The following STAG1 variants were observed in gnomAD, a reference collection of about 807,000 sequenced individuals.
The protein encoded by STAG1 is STAG1 cohesin complex component.
A neutral mutation model predicts 170.9 loss-of-function variants in STAG1; 26 were observed. The observed-to-expected ratio is 0.15, with a 90% CI of 0.11 to 0.21. The LOEUF is 0.21. Ranked by LOEUF, STAG1 falls within the 10% of genes least tolerant of loss-of-function variation. The pLI is 1.00. For synonymous variants in STAG1, 514 were observed against 497.7 expected (o/e 1.03, Z -0.44); for missense variants, 964 against 1,509.5 (o/e 0.64, Z 5.99).
chr3:136,650,918 A>G (rs1382464140), intron 1 of STAG1, among the ~76,000 whole-genome samples: 2 of 83,662 alleles, frequency 2.4e-5, no homozygotes, highest in Non-Finnish European at 4.6e-5. Context: ...ATGGTGGTAG[A>G]ATTAAAAAAA....
intron 9 of STAG1, among the ~76,000 whole-genome samples, chr3:136,478,980 C>A (rs1249163959): frequency 6.6e-6 from 1 of 151,564 alleles, no homozygotes; most frequent in Non-Finnish European, 1.5e-5. Context: ...AGAATAAAAT[C>A]ACTTAATACA....
intron 1 of STAG1, among the ~76,000 whole-genome samples, chr3:136,637,145 C>T (rs940707465): frequency 6.6e-6 from 1 of 152,166 alleles, no homozygotes; most frequent in African/African-American, 2.4e-5. Flanking sequence ...TACTTAAATT[C>T]TCTGTAGCAT....
At chr3:136,606,774 G>A (rs145657328) in intron 3 of STAG1, among the ~76,000 whole-genome samples, 54 of 136,308 alleles carry the variant, frequency 4.0e-4, no homozygotes, top group African/African-American at 1.0e-3. Context: ...TTTTGGGGAC[G>A]AAGTTAACTT....
At chr3:136,606,479 C>T (rs550822571) in intron 3 of STAG1, among the ~76,000 whole-genome samples, 1 of 152,274 alleles carries the variant, frequency 6.6e-6, no homozygotes, top group African/African-American at 2.4e-5. Flanking sequence ...TCAGCCACCA[C>T]GAGCGGCCTG....
At chr3:136,354,683 T>G (rs1936564953) in intron 28 of STAG1, among the ~76,000 whole-genome samples, 1 of 138,572 alleles carries the variant, frequency 7.2e-6, no homozygotes. Context: ...TAAAGATTAA[T>G]TAAAGGAATT....
chr3:136,496,465 T>A (rs542618379), intron 9 of STAG1, among the ~76,000 whole-genome samples: 6 of 152,118 alleles, frequency 3.9e-5, no homozygotes, highest in African/African-American at 1.2e-4. Context: ...TTTGACTACA[T>A]TGAAATTAAA....
intron 9 of STAG1, among the ~76,000 whole-genome samples, chr3:136,478,437 G>T (rs1486410342): frequency 4.6e-5 from 7 of 152,050 alleles, no homozygotes; most frequent in Admixed American, 4.6e-4. Flanking sequence ...AAGGTTATTA[G>T]CCTTAGCTTT....
At chr3:136,595,851 T>C (rs1044089701) in intron 4 of STAG1, among the ~76,000 whole-genome samples, 2 of 151,892 alleles carry the variant, frequency 1.3e-5, no homozygotes, top group Non-Finnish European at 2.9e-5. Context: ...TTTCTAAAAA[T>C]GAAAATACAA....
At chr3:136,432,850 G>T (rs1026500362) in intron 16 of STAG1, among the ~76,000 whole-genome samples, 1 of 152,186 alleles carries the variant, frequency 6.6e-6, no homozygotes, top group Non-Finnish European at 1.5e-5. Context: ...TGCCACTCTG[G>T]TAACAAACTA....
At chr3:136,521,012 C>T (rs914114217) in intron 7 of STAG1, among the ~76,000 whole-genome samples, 4 of 152,078 alleles carry the variant, frequency 2.6e-5, no homozygotes, top group African/African-American at 9.7e-5. Flanking sequence ...TTTGATGACA[C>T]TGGCCAGAAA....
intron 5 of STAG1, among the ~76,000 whole-genome samples, chr3:136,551,247 G>GTC (rs1936381406): frequency 6.8e-6 from 1 of 147,062 alleles, no homozygotes; most frequent in Non-Finnish European, 1.5e-5. Flanking sequence ...GAGAGAGAGA[G>GTC]AGAGAGAGAG....
At chr3:136,690,238 C>CT (rs933282514) in intron 1 of STAG1, among the ~76,000 whole-genome samples, 44 of 152,038 alleles carry the variant, frequency 2.9e-4, no homozygotes, top group African/African-American at 9.4e-4. Flanking sequence ...TTGTTTTTGG[C>CT]TTTTTTTGTT....
chr3:136,365,778 T>C (rs990132105), intron 25 of STAG1, among the ~76,000 whole-genome samples: 5 of 152,134 alleles, frequency 3.3e-5, no homozygotes, highest in African/African-American at 1.2e-4. Context: ...TGACATTTTC[T>C]TTTAGAAAGG....
intron 13 of STAG1, among the ~76,000 whole-genome samples, chr3:136,463,905 T>G (rs1289087832): frequency 6.9e-6 from 1 of 144,926 alleles, no homozygotes; most frequent in Non-Finnish European, 1.5e-5. Flanking sequence ...ACATATATAC[T>G]TACATATAAT....
intron 25 of STAG1, among the ~76,000 whole-genome samples, chr3:136,366,510 T>C (rs891857072): frequency 1.3e-5 from 2 of 152,110 alleles, no homozygotes; most frequent in African/African-American, 2.4e-5. Flanking sequence ...ATAATTGGAA[T>C]TGGACTACAC....
chr3:136,660,725 T>C (rs1460282868), intron 1 of STAG1, among the ~76,000 whole-genome samples: 2 of 151,922 alleles, frequency 1.3e-5, no homozygotes, highest in East Asian at 3.9e-4. Flanking sequence ...TCCCAGCACT[T>C]TGGGAGGCTA....
chr3:136,426,933 G>A (rs111294512), intron 16 of STAG1, among the ~76,000 whole-genome samples: 15 of 152,120 alleles, frequency 9.9e-5, no homozygotes, highest in Middle Eastern at 3.4e-3. Context: ...CAGGTGTGGC[G>A]CCTGTAGTCA....
intron 6 of STAG1, among the ~76,000 whole-genome samples, chr3:136,527,109 C>G (rs184420960): frequency 2.9e-4 from 44 of 152,256 alleles, no homozygotes; most frequent in African/African-American, 1.0e-3. Context: ...TCATGACATT[C>G]TCTGTATTTC....
chr3:136,465,413 G>T (rs2089424412), intron 12 of STAG1, among the ~76,000 whole-genome samples: 1 of 151,398 alleles, frequency 6.6e-6, no homozygotes. Flanking sequence ...TAGAAACGGG[G>T]TTTCGTCATG....
Sources: gnomAD v4.1 joint callset for allele counts (sites outside exome capture counted in the v4.1 genomes callset) on GRCh38, gnomAD v4.1.1 for gene constraint, MANE v1.5 for transcripts, NCBI Gene and HGNC (gene_info 2026-07-23, HGNC 2026-07-21) for gene names.